The following CAST variants were observed in gnomAD, a reference collection of about 807,000 sequenced individuals.
The protein encoded by CAST is calpastatin.
Under a neutral mutation model 119.6 loss-of-function variants are expected in CAST, and 76 were observed. The ratio of observed to expected loss-of-function variants is 0.64; its 90% CI spans 0.53 to 0.77. The LOEUF (loss-of-function observed/expected upper bound fraction) is 0.77. Among genes scored for constraint, CAST ranks in the 30% least tolerant of loss-of-function variants. The pLI, the probability that CAST is intolerant of heterozygous loss-of-function variation, is 0.00. For synonymous variants in CAST, 319 were observed against 331.6 expected (o/e 0.96, Z 0.41); for missense variants, 953 against 946.5 (o/e 1.01, Z -0.09).
At chr5:96,080,558 T>A in the CAST span, among the ~76,000 whole-genome samples, 1 of 152,240 alleles carries the variant, frequency 6.6e-6, no homozygotes, top group African/African-American at 2.4e-5. Flanking sequence ...TGGACCTCAG[T>A]GTCCTTATCT....
chr5:96,117,283 T>C, the CAST span, among the ~76,000 whole-genome samples: 5 of 152,248 alleles, frequency 3.3e-5, no homozygotes, highest in Non-Finnish European at 7.3e-5. Context: ...GTCTACCATT[T>C]ATTTCAAATT....
the CAST span, chr5:96,392,836 G>C: frequency 1.4e-6 from 1 of 708,050 alleles, no homozygotes; most frequent in African/African-American, 1.8e-5. Flanking sequence ...CTTCCTGCTT[G>C]AGCTCATCCC....
chr5:96,345,990 C>CA, the CAST span, among the ~76,000 whole-genome samples: 5 of 152,260 alleles, frequency 3.3e-5, no homozygotes, highest in Non-Finnish European at 2.9e-5. Flanking sequence ...ACAGTGTGAA[C>CA]ATCAGAAGGC....
rs529204988 is a variant in CAST, at chr5:96,625,718, A to C, written c.61-49821A>C. On this transcript the variant is annotated intron_variant, in intron 1 of 11. Coordinates refer to the CAST transcript ENST00000505143. ...AGTCCCTTTTGGGTGCATAATACAG[A>C]ATCTGTCTTGGGAAGGACAGATGGC... Among the ~76,000 whole-genome samples, 105 of 152,344 alleles carry C rather than the reference A, an allele frequency of 6.9e-4. 1 individual carries two copies. The highest frequency in any genetic ancestry group is 1.3e-3 in the Non-Finnish European group (88 of 68,020).
chr5:96,104,979 T>A, the CAST span, among the ~76,000 whole-genome samples: 9 of 102,716 alleles, frequency 8.8e-5, no homozygotes, highest in Non-Finnish European at 1.4e-4. Context: ...TCCTAGGTAT[T>A]TTATTCTCTT....
At chr5:96,772,144 G>A (rs1284911822) in intron 31 of CAST, 1 of 154,052 alleles carries the variant, frequency 6.5e-6, no homozygotes, top group African/African-American at 2.4e-5. Context: ...GGAAATTACA[G>A]GGTTTTGGGA....
intron 1 of CAST, among the ~76,000 whole-genome samples, chr5:96,544,393 A>G (rs1360261229): frequency 1.3e-5 from 2 of 152,190 alleles, no homozygotes; most frequent in African/African-American, 4.8e-5. Flanking sequence ...TTGTATATTA[A>G]CCTCGATTCC....
chr5:96,093,150 T>C, the CAST span, among the ~76,000 whole-genome samples: 3 of 152,020 alleles, frequency 2.0e-5, no homozygotes, highest in Non-Finnish European at 2.9e-5. Flanking sequence ...ATAAAAAAAA[T>C]GAGGGACCAA....
intron 1 of CAST, among the ~76,000 whole-genome samples, chr5:96,616,799 T>C (rs1458564952): frequency 6.3e-5 from 9 of 141,782 alleles, no homozygotes; most frequent in African/African-American, 1.6e-4. Flanking sequence ...CACACACATA[T>C]ACATATACAT....
At chr5:96,145,867 G>C in the CAST span, among the ~76,000 whole-genome samples, 2 of 152,154 alleles carry the variant, frequency 1.3e-5, no homozygotes, top group African/African-American at 4.8e-5. Flanking sequence ...AACTGGCCCA[G>C]GGCATGTAAG....
At chr5:96,482,750 C>T in the CAST span, among the ~76,000 whole-genome samples, 9 of 152,106 alleles carry the variant, frequency 5.9e-5, no homozygotes, top group African/African-American at 1.7e-4. Flanking sequence ...ACTGTGTGAA[C>T]GTGGCCTTCC....
chr5:96,029,640 C>CT, the CAST span, among the ~76,000 whole-genome samples: 2 of 151,902 alleles, frequency 1.3e-5, no homozygotes, highest in Non-Finnish European at 2.9e-5. Context: ...ACATCTTACT[C>CT]TTTTTTTTCC....
chr5:96,139,495 TATATATATACAC>T, the CAST span, among the ~76,000 whole-genome samples: 2 of 146,036 alleles, frequency 1.4e-5, no homozygotes, highest in African/African-American at 2.5e-5. Context: ...CCTTGTAACA[TATATATATACAC>T]ATATATATAT....
chr5:96,584,391 G>A (rs1365393911), intron 1 of CAST: 1 of 152,176 alleles, frequency 6.6e-6, no homozygotes, highest in Non-Finnish European at 1.5e-5. Flanking sequence ...CAGGGGAGTG[G>A]GGACCCCTGA....
the CAST span, among the ~76,000 whole-genome samples, chr5:96,109,410 T>A: frequency 3.9e-5 from 6 of 152,256 alleles, no homozygotes; most frequent in Non-Finnish European, 8.8e-5. Context: ...AATTGTGTAA[T>A]GAAAGCCATT....
the CAST span, among the ~76,000 whole-genome samples, chr5:96,326,061 C>T: frequency 6.6e-6 from 1 of 152,224 alleles, no homozygotes; most frequent in African/African-American, 2.4e-5. Context: ...TCCAACCAAA[C>T]CAAGAACTTG....
the CAST span, among the ~76,000 whole-genome samples, chr5:96,438,322 C>A: frequency 6.6e-6 from 1 of 152,150 alleles, no homozygotes; most frequent in Admixed American, 6.5e-5. Flanking sequence ...TCTGGTGTAA[C>A]CATATTACTA....
the CAST span, among the ~76,000 whole-genome samples, chr5:96,312,821 G>A: frequency 3.3e-5 from 5 of 152,142 alleles, no homozygotes; most frequent in African/African-American, 4.8e-5. Flanking sequence ...ATCTACATTA[G>A]CTATAAGTTC....
the CAST span, among the ~76,000 whole-genome samples, chr5:96,439,698 C>T: frequency 7.2e-5 from 11 of 152,086 alleles, no homozygotes; most frequent in African/African-American, 2.2e-4. Flanking sequence ...TTGGTCACCT[C>T]GGGGTTGCTT....
Sources: allele counts gnomAD v4.1 joint callset (sites outside exome capture counted in the v4.1 genomes callset), GRCh38; gene constraint gnomAD v4.1.1; transcripts MANE v1.5; gene names NCBI Gene and HGNC (gene_info 2026-07-23, HGNC 2026-07-21).